DTD2: variants seen among roughly 807,000 people sequenced by gnomAD.
DTD2 encodes D-tyrosyl-tRNA deacylase 2 (putative).
Under a neutral mutation model 15.5 loss-of-function variants are expected in DTD2, and 12 were observed. That is an observed-to-expected ratio of 0.77 (90% CI 0.50 to 1.25). DTD2 has a LOEUF of 1.25. Among genes scored for constraint, DTD2 ranks in the 50% most tolerant of loss-of-function variants. The pLI is 0.00. For synonymous variants in DTD2, 59 were observed against 77.3 expected, an observed-to-expected ratio of 0.76 and a Z score of 1.24; for missense variants, 170 against 201.1, an observed-to-expected ratio of 0.85 and a Z score of 0.93.
chr14:31,450,356 A>G (rs901177931), intron 2 of DTD2, among the ~76,000 whole-genome samples: 6 of 152,232 alleles, frequency 3.9e-5, no homozygotes, highest in African/African-American at 1.4e-4. Flanking sequence ...TCAATCAAGT[A>G]TCTCTAATGA....
chr14:31,456,150 T>C lies in DTD2; in HGVS notation c.111+1133A>G, dbSNP rs1479280694. Among the ~76,000 whole-genome samples, 4 of 152,190 alleles carry C rather than the reference T, an allele frequency of 2.6e-5. No individual in the cohort carries two copies. The South Asian group carries it at 6.2e-4, about 24-fold the overall frequency. ...GCTCAGGCTTGTAATCCCAGCAGTT[T>C]GGGAGGCTGAGGCAGGTGGATCACC... is the stretch of plus-strand genomic sequence containing the variant. On this transcript the variant is annotated intron_variant, in intron 1 of 2. Transcript: ENST00000310850.
At position 31,448,080 on chromosome 14, in the gene DTD2, T is replaced by C. The variant is rs761759957; in HGVS notation, c.*49A>G. 3 of 1,424,066 alleles carry C rather than the reference T, an allele frequency of 2.1e-6. No individual in the cohort carries two copies. Among genetic ancestry groups the C allele is most frequent in the African/African-American group, 1.4e-5 (1 of 69,760 alleles). 88.2% of individuals were successfully genotyped at this position (1,424,066 alleles called of 1,614,324 possible). On this transcript the variant is annotated 3_prime_UTR_variant, in exon 3 of 3. Coordinates refer to ENST00000310850, the MANE Select transcript of DTD2 (RefSeq NM_080664.3). ...AAGGGGAAGAAAATCTAATTATACT[T>C]TAGATCATTTCATACCAGAAAACAG...
At chr14:31,456,210 T>C (rs78491159) in intron 1 of DTD2, among the ~76,000 whole-genome samples, 20,212 of 151,930 alleles carry the variant, frequency 0.13, 1,504 homozygotes, top group East Asian at 0.32. Context: ...CTGGCCAAAA[T>C]GGCGAAACCC....
chr14:31,447,139 A>ATATATG lies in DTD2; in HGVS notation c.*989_*990insCATATA, dbSNP rs1206082086. 1 of 152,152 alleles carries ATATATG rather than the reference A, an allele frequency of 6.6e-6. No homozygotes were observed. Among genetic ancestry groups the ATATATG allele is most frequent in the African/African-American group, 2.4e-5 (1 of 41,426 alleles). The allele number at this position is 152,152 out of a possible 1,614,324, so 9.4% of individuals were successfully genotyped here. ...ACACAATAACCCTTCTATATTACAT[A>ATATATG]TATATCTATATGTATATGTATATGT... On this transcript the variant is annotated 3_prime_UTR_variant, in exon 3 of 3. Coordinates refer to ENST00000310850, the MANE Select transcript of DTD2 (RefSeq NM_080664.3).
At chr14:31,454,613 T>A (rs529437750) in intron 1 of DTD2, among the ~76,000 whole-genome samples, 11 of 152,328 alleles carry the variant, frequency 7.2e-5, no homozygotes, top group African/African-American at 2.6e-4. Flanking sequence ...TTTGGACACA[T>A]GCAATGTCAG....
At chr14:31,450,881 T>A (rs187419446) in intron 2 of DTD2, among the ~76,000 whole-genome samples, 1 of 152,184 alleles carries the variant, frequency 6.6e-6, no homozygotes, top group African/African-American at 2.4e-5. Flanking sequence ...TAAAATAACA[T>A]GTGGTTTGGA....
intron 1 of DTD2, chr14:31,456,957 C>A: frequency 2.9e-6 from 1 of 339,976 alleles, no homozygotes. Flanking sequence ...TGCCCCCGAC[C>A]AGCATAGACC....
rs1481756745 is a variant in DTD2, at chr14:31,448,354, G to A, written c.282C>T (p.Thr94=). Residue 94 remains threonine (T), a synonymous_variant, in exon 3 of 3, where the codon ACC becomes ACT. Coordinates refer to ENST00000310850, the MANE Select transcript of DTD2 (RefSeq NM_080664.3). ...PGNILIIPQA[T]LGGRLKGRNM... is the part of the protein sequence containing the mutation. Reference sequence around the variant, plus strand: ...TTCTTCCTTTTAGTCTTCCTCCAAGGGTAGCTTGAGGGATAATAAGAATGT... The same window carrying A: ...TTCTTCCTTTTAGTCTTCCTCCAAGAGTAGCTTGAGGGATAATAAGAATGT... The A allele has an allele frequency of 6.2e-7, 1 of 1,613,958 alleles. No homozygotes were observed. Among genetic ancestry groups the A allele is most frequent in the African/African-American group, 1.3e-5 (1 of 74,888 alleles).
chr14:31,448,059 G>A lies in DTD2; in HGVS notation c.*70C>T. The A allele has an allele frequency of 7.6e-7, 1 of 1,318,292 alleles. No individual in the cohort carries two copies. Among genetic ancestry groups the A allele is most frequent in the Non-Finnish European group, 1.0e-6 (1 of 953,358 alleles). The allele number at this position is 1,318,292 out of a possible 1,614,324, so 81.7% of individuals were successfully genotyped here. ...AAGATTAGTATATTCAAGATTAAGG[G>A]GAAGAAAATCTAATTATACTTTAGA... On this transcript the variant is annotated 3_prime_UTR_variant, in exon 3 of 3. Coordinates refer to ENST00000310850, the MANE Select transcript of DTD2 (RefSeq NM_080664.3).
intron 2 of DTD2, chr14:31,452,805 T>C (rs2032052207): frequency 6.5e-6 from 1 of 152,776 alleles, no homozygotes; most frequent in Non-Finnish European, 1.5e-5. Flanking sequence ...TTGTATACAG[T>C]ATTAAAATAT....
rs1328806966 is a variant in DTD2 at position 31,447,434 on chromosome 14, T to C, written c.*695A>G. ...AATACAAATAGTTATTTTTATTACA[T>C]GCTACACAAATTTGATGGTATAAGA... On this transcript the variant is annotated 3_prime_UTR_variant, in exon 3 of 3. Coordinates refer to ENST00000310850, the MANE Select transcript of DTD2 (RefSeq NM_080664.3). 6.6e-6 allele frequency: 1 copy of C among 152,072 alleles called. No individual in the cohort carries two copies. The highest frequency in any genetic ancestry group is 1.5e-5 in the Non-Finnish European group (1 of 68,004). The allele number at this position is 152,072 out of a possible 1,614,324, so 9.4% of individuals were successfully genotyped here. A position where few individuals can be genotyped will look rare whatever the true frequency, so the allele number is the denominator to read the frequency against.
In DTD2 at chr14:31,446,562, T is replaced by C. The variant is rs561375915; in HGVS notation, c.*1567A>G. The stretch of plus-strand genomic sequence containing the variant: ...CCAGAAATTTATTTCCTCACAGTTC[T>C]GGTGATTAGAAGTTCAAACTCAAGG... On this transcript the variant is annotated 3_prime_UTR_variant, in exon 3 of 3. Coordinates refer to ENST00000310850, the MANE Select transcript of DTD2 (RefSeq NM_080664.3). 1.3e-5 allele frequency: 2 copies of C among 152,352 alleles called. No homozygotes were observed. The highest frequency in any genetic ancestry group is 2.1e-4 in the South Asian group (1 of 4,826). The allele number at this position is 152,352 out of a possible 1,614,324, so 9.4% of individuals were successfully genotyped here.
rs142814210 is a variant in DTD2, at chr14:31,454,486, G to C, written c.112-1142C>G. 3.7e-3 allele frequency among the ~76,000 whole-genome samples: 564 copies of C among 152,268 alleles called. 4 individuals are homozygous for C. The highest frequency in any genetic ancestry group is 0.013 in the African/African-American group (539 of 41,566). On this transcript the variant is annotated intron_variant, in intron 1 of 2. Transcript: ENST00000310850. ...CGTGCTACTGAAACAATAGGCAAGG[G>C]CCTCCAATGCATACCCACGAGAAGC...
intron 2 of DTD2, among the ~76,000 whole-genome samples, chr14:31,449,496 G>A (rs1309922427): frequency 2.6e-5 from 4 of 152,198 alleles, no homozygotes; most frequent in Admixed American, 2.0e-4. Flanking sequence ...ATACGAAAAC[G>A]TGATATTATT....
chr14:31,450,187 C>T (rs991147140), intron 2 of DTD2, among the ~76,000 whole-genome samples: 3 of 152,168 alleles, frequency 2.0e-5, no homozygotes, highest in South Asian at 2.1e-4. Flanking sequence ...TATGTTTCCA[C>T]ATACCTCCCT....
intron 2 of DTD2, among the ~76,000 whole-genome samples, chr14:31,451,121 A>G (rs190016338): frequency 9.2e-5 from 14 of 152,062 alleles, no homozygotes; most frequent in Non-Finnish European, 1.2e-4. Flanking sequence ...TATTCTCTGT[A>G]ATAGGAGTCC....
chr14:31,451,446 CCTCTCT>C (rs71430960), intron 2 of DTD2, among the ~76,000 whole-genome samples: 2 of 150,390 alleles, frequency 1.3e-5, no homozygotes, highest in Admixed American at 6.6e-5. Context: ...CCGCGCCTGG[CCTCTCT>C]CTCTCTCTCT....
intron 1 of DTD2, 126 bp downstream of exon 1, chr14:31,457,157 C>T (rs1277489918): frequency 3.4e-6 from 3 of 893,946 alleles, no homozygotes; most frequent in Admixed American, 2.3e-5. Context: ...TTCAAGCTGA[C>T]CCGGTATCCC....
chr14:31,450,892 T>G (rs1251518743), intron 2 of DTD2, among the ~76,000 whole-genome samples: 1 of 152,224 alleles, frequency 6.6e-6, no homozygotes, highest in African/African-American at 2.4e-5. Flanking sequence ...GTGGTTTGGA[T>G]ATGATAGGCA....
Sources: allele counts gnomAD v4.1 joint callset (sites outside exome capture counted in the v4.1 genomes callset), GRCh38; gene constraint gnomAD v4.1.1; transcripts MANE v1.5; gene names NCBI Gene and HGNC (gene_info 2026-07-23, HGNC 2026-07-21).